Variants in CEP112 observed in about 807,000 individuals in gnomAD.
The protein encoded by CEP112 is centrosomal protein 112, also known as centrosomal protein of 112 kDa.
CEP112 carries 127 observed loss-of-function variants against 153.0 expected under a neutral mutation model. That is an observed-to-expected ratio of 0.83 (90% CI 0.72 to 0.96). CEP112 has a LOEUF of 0.96. Ranked by LOEUF, CEP112 falls within the 40% of genes least tolerant of loss-of-function variation. The pLI is 0.00. For missense variants in CEP112, 1,089 were observed against 1,101.2 expected (o/e 0.99, Z 0.16); for synonymous variants, 358 against 374.4 (o/e 0.96, Z 0.51).
intron 17 of CEP112, among the ~76,000 whole-genome samples, chr17:65,968,444 T>C (rs1037969845): frequency 7.9e-5 from 12 of 152,318 alleles, no homozygotes; most frequent in African/African-American, 2.9e-4. Flanking sequence ...GTAATATTTA[T>C]CATGTGACAG....
intron 12 of CEP112, among the ~76,000 whole-genome samples, chr17:66,031,576 A>T (rs964059369): frequency 6.7e-6 from 1 of 149,174 alleles, no homozygotes; most frequent in Non-Finnish European, 1.5e-5. Context: ...CTCCCACCTC[A>T]GCTTCCTGAG....
At chr17:65,712,451 T>C (rs1183736134) in intron 23 of CEP112, among the ~76,000 whole-genome samples, 1 of 151,478 alleles carries the variant, frequency 6.6e-6, no homozygotes, top group Admixed American at 6.6e-5. Context: ...ACGGCTAACA[T>C]TGCTTATATC....
In CEP112 at chr17:66,005,684, A is replaced by T. The variant is rs763165623; in HGVS notation, c.1736+6T>A. The T allele has an allele frequency of 1.2e-6, 2 of 1,603,876 alleles. No individual in the cohort carries two copies. Among genetic ancestry groups the T allele is most frequent in the African/African-American group, 1.3e-5 (1 of 74,356 alleles). ...TTTAAATCAAATGCATTACAATTTT[A>T]CTCACTTCAAAGCTTCCTCAAATTT... On this transcript the variant is annotated splice_donor_region_variant and intron_variant, in intron 17 of 26. Coordinates refer to ENST00000535342, the MANE Select transcript of CEP112 (RefSeq NM_001199165.4).
At chr17:65,977,087 A>G (rs2063065273) in intron 17 of CEP112, among the ~76,000 whole-genome samples, 1 of 152,186 alleles carries the variant, frequency 6.6e-6, no homozygotes, top group Non-Finnish European at 1.5e-5. Flanking sequence ...GTAACCAAAT[A>G]AAAACAGCTG....
intron 21 of CEP112, among the ~76,000 whole-genome samples, chr17:65,830,355 T>C (rs1202676100): frequency 6.6e-6 from 1 of 152,250 alleles, no homozygotes; most frequent in Non-Finnish European, 1.5e-5. Flanking sequence ...CAAGCCATCA[T>C]AATGTCCCTC....
chr17:65,785,788 T>C (rs546908874), intron 21 of CEP112, among the ~76,000 whole-genome samples: 1 of 152,228 alleles, frequency 6.6e-6, no homozygotes, highest in Non-Finnish European at 1.5e-5. Flanking sequence ...AAAAGTTTTA[T>C]AGTTTTACCA....
rs186073847 is a variant in CEP112, at chr17:66,039,552, A to G, written c.1219-9529T>C. On this transcript the variant is annotated intron_variant, in intron 12 of 26. Transcript: ENST00000535342. ...AGCCTGGGCAACAGAGCAAGACTGC[A>G]TAAGTCTTAAAGATAGAGTTTATGA... is the stretch of plus-strand genomic sequence containing the variant. Among the ~76,000 whole-genome samples, 106 of 152,326 alleles carry G rather than the reference A, an allele frequency of 7.0e-4. 1 individual carries two copies. The highest frequency in any genetic ancestry group is 2.4e-3 in the African/African-American group (100 of 41,594).
intron 19 of CEP112, among the ~76,000 whole-genome samples, chr17:65,920,526 T>C (rs2060686152): frequency 1.3e-5 from 2 of 149,272 alleles, no homozygotes; most frequent in African/African-American, 5.0e-5. Flanking sequence ...TAGATCCTAA[T>C]AACTGTGGGC....
chr17:65,937,528 C>CCA (rs2061362411), intron 18 of CEP112, among the ~76,000 whole-genome samples: 1 of 136,450 alleles, frequency 7.3e-6, no homozygotes. Context: ...AAGTGAGGAG[C>CCA]CCCTCTGCCC....
intron 4 of CEP112, among the ~76,000 whole-genome samples, chr17:66,169,022 TATA>T (rs1426818038): frequency 2.0e-5 from 3 of 152,282 alleles, no homozygotes; most frequent in Non-Finnish European, 2.9e-5. Flanking sequence ...TCTGTCATCG[TATA>T]ATGTCTGATT....
chr17:66,121,121 A>C (rs560179726), intron 6 of CEP112, among the ~76,000 whole-genome samples: 3 of 152,198 alleles, frequency 2.0e-5, no homozygotes, highest in Non-Finnish European at 4.4e-5. Flanking sequence ...TCTACTAAAA[A>C]TACAAAAAGT....
Position 65,714,498 on chromosome 17 carries a change from T to C in CEP112, c.2608-25280A>G, listed in dbSNP as rs555342092. 7.9e-5 allele frequency among the ~76,000 whole-genome samples: 12 copies of C among 152,290 alleles called. 1 individual carries two copies. In the East Asian group the frequency reaches 2.1e-3, roughly 27 times the overall value. The stretch of plus-strand genomic sequence containing the variant: ...AGTATATATATCTGTCGGTTTACTC[T>C]TGTCACCTTACTGTCAGTTCAGAAT... On this transcript the variant is annotated intron_variant, in intron 23 of 26. Transcript: ENST00000535342.
At chr17:66,128,282 G>A (rs1246372269) in intron 6 of CEP112, among the ~76,000 whole-genome samples, 2 of 108,054 alleles carry the variant, frequency 1.9e-5, no homozygotes, top group Non-Finnish European at 3.4e-5. Context: ...CAGCCTGTGC[G>A]ACACAGCAAG....
chr17:65,774,416 G>C (rs1255738294), intron 21 of CEP112, among the ~76,000 whole-genome samples: 2 of 152,186 alleles, frequency 1.3e-5, no homozygotes, highest in Non-Finnish European at 2.9e-5. Flanking sequence ...GTGAGAGGCT[G>C]TGGGGCCACA....
intron 21 of CEP112, among the ~76,000 whole-genome samples, chr17:65,812,515 T>C (rs1204548240): frequency 3.9e-5 from 6 of 152,166 alleles, no homozygotes; most frequent in Non-Finnish European, 7.3e-5. Flanking sequence ...CATCAAAATC[T>C]GCAGTCTGAA....
intron 23 of CEP112, among the ~76,000 whole-genome samples, chr17:65,716,181 G>A (rs796707341): frequency 6.6e-6 from 1 of 151,554 alleles, no homozygotes; most frequent in Non-Finnish European, 1.5e-5. Context: ...TTTTGAGACA[G>A]AGCCTCGCTC....
intron 23 of CEP112, among the ~76,000 whole-genome samples, chr17:65,737,299 T>C (rs1363374085): frequency 1.3e-5 from 2 of 151,816 alleles, no homozygotes; most frequent in Non-Finnish European, 2.9e-5. Context: ...CAGTGAAGAG[T>C]TGCACAGGGG....
At chr17:66,081,761 A>C (rs2067729279) in intron 8 of CEP112, among the ~76,000 whole-genome samples, 1 of 152,122 alleles carries the variant, frequency 6.6e-6, no homozygotes. Flanking sequence ...CTAAAAATAC[A>C]AAAATTAGCC....
intron 16 of CEP112, among the ~76,000 whole-genome samples, chr17:66,025,968 CCACA>C (rs150059801): frequency 6.9e-5 from 9 of 130,570 alleles, no homozygotes; most frequent in Non-Finnish European, 1.2e-4. Flanking sequence ...TATATATAGA[CCACA>C]CACACACACA....
Sources: gnomAD v4.1 joint callset for allele counts (sites outside exome capture counted in the v4.1 genomes callset) on GRCh38, gnomAD v4.1.1 for gene constraint, MANE v1.5 for transcripts, NCBI Gene and HGNC (gene_info 2026-07-23, HGNC 2026-07-21) for gene names.